Variants in AOPEP observed in about 807,000 individuals in gnomAD.
AOPEP encodes aminopeptidase O.
In AOPEP, 77 loss-of-function variants were observed where a neutral mutation model predicts 98.1. That is an observed-to-expected ratio of 0.78 (90% CI 0.65 to 0.95). The LOEUF is 0.95. Among genes scored for constraint, AOPEP ranks in the 40% least tolerant of loss-of-function variants. The pLI is 0.00. For missense variants in AOPEP, 1,024 were observed against 1,024.7 expected, an observed-to-expected ratio of 1.00 and a Z score of 0.01; for synonymous variants, 346 against 365.3, an observed-to-expected ratio of 0.95 and a Z score of 0.60.
intron 5 of AOPEP, among the ~76,000 whole-genome samples, chr9:94,916,307 C>T (rs1014948953): frequency 3.2e-4 from 48 of 152,196 alleles, no homozygotes; most frequent in Admixed American, 1.8e-3. Flanking sequence ...ATGAGGCTGC[C>T]GACATGTTTT....
intron 4 of AOPEP, among the ~76,000 whole-genome samples, chr9:94,798,686 T>A (rs1469086226): frequency 6.6e-6 from 1 of 152,216 alleles, no homozygotes; most frequent in Non-Finnish European, 1.5e-5. Flanking sequence ...TTTAACACGA[T>A]CTGAAAGCTT....
chr9:95,060,676 G>T lies in AOPEP; in HGVS notation c.2116-18G>T. ...CAACTGAATGGCATTTTCATAGGCT[G>T]TTTGGTTTTGTCTTTAGCTTCTTCC... On this transcript the variant is annotated intron_variant, in intron 13 of 16. Coordinates refer to ENST00000375315, the MANE Select transcript of AOPEP (RefSeq NM_001193329.3). 6.5e-7 allele frequency: 1 copy of T among 1,531,656 alleles called. No individual in the cohort carries two copies. The highest frequency in any genetic ancestry group is 1.4e-5 in the African/African-American group (1 of 73,366). 94.9% of individuals were successfully genotyped at this position (1,531,656 alleles called of 1,614,324 possible).
intron 5 of AOPEP, among the ~76,000 whole-genome samples, chr9:94,861,968 C>T (rs1037075260): frequency 2.0e-5 from 3 of 152,116 alleles, no homozygotes; most frequent in Admixed American, 1.3e-4. Context: ...AACTCAACAA[C>T]GGCTTTGTTT....
chr9:95,034,664 T>C (rs2064622950), intron 13 of AOPEP, among the ~76,000 whole-genome samples: 2 of 152,224 alleles, frequency 1.3e-5, no homozygotes, highest in African/African-American at 2.4e-5. Context: ...AAGGCATTTG[T>C]TTGGAAGATG....
chr9:95,032,524 G>A (rs866351751), intron 13 of AOPEP, among the ~76,000 whole-genome samples: 6 of 152,244 alleles, frequency 3.9e-5, no homozygotes, highest in African/African-American at 1.4e-4. Flanking sequence ...GTGAGCCAGC[G>A]AAAGGTGGCG....
At chr9:95,106,925 G>T in the AOPEP span, 1 of 824,724 alleles carries the variant, frequency 1.2e-6, no homozygotes. Context: ...CATCCCAGCT[G>T]TCAACCTCCT....
chr9:94,823,949 T>C (rs775450424), intron 5 of AOPEP, among the ~76,000 whole-genome samples: 5 of 152,106 alleles, frequency 3.3e-5, no homozygotes, highest in Non-Finnish European at 7.3e-5. Flanking sequence ...TACTATGCAG[T>C]CCCTGGCATG....
intron 1 of AOPEP, among the ~76,000 whole-genome samples, chr9:94,729,403 C>G (rs1829992950): frequency 6.6e-6 from 1 of 151,904 alleles, no homozygotes; most frequent in Non-Finnish European, 1.5e-5. Context: ...AATCCTGCCA[C>G]TACGAAAAAT....
chr9:95,133,961 C>T, the AOPEP span, among the ~76,000 whole-genome samples: 3 of 152,156 alleles, frequency 2.0e-5, no homozygotes, highest in South Asian at 2.1e-4. Context: ...TATGACTCTT[C>T]CGGATGGTAA....
At chr9:94,745,567 GC>G (rs1291688908) in intron 1 of AOPEP, among the ~76,000 whole-genome samples, 1 of 152,130 alleles carries the variant, frequency 6.6e-6, no homozygotes, top group Non-Finnish European at 1.5e-5. Context: ...GAGCCACCGT[GC>G]CCGGCAATTG....
At chr9:94,837,201 A>T (rs1436835246) in intron 5 of AOPEP, among the ~76,000 whole-genome samples, 7 of 152,196 alleles carry the variant, frequency 4.6e-5, no homozygotes, top group Admixed American at 4.6e-4. Context: ...CCTAGCTTCA[A>T]TCAGGAAGAA....
At chr9:95,081,697 G>C (rs2069804399) in intron 15 of AOPEP, among the ~76,000 whole-genome samples, 1 of 152,170 alleles carries the variant, frequency 6.6e-6, no homozygotes, top group Non-Finnish European at 1.5e-5. Context: ...CAACTTTATG[G>C]TCTGTTCTAA....
chr9:94,763,427 T>G (rs1046898461), intron 2 of AOPEP: 6 of 195,498 alleles, frequency 3.1e-5, no homozygotes, highest in Admixed American at 1.2e-4. Context: ...TAGCTTAATA[T>G]TGATATGGAT....
At chr9:94,901,012 A>T (rs926333833) in intron 5 of AOPEP, 1 of 152,198 alleles carries the variant, frequency 6.6e-6, no homozygotes, top group African/African-American at 2.4e-5. Context: ...TGGCCATTCC[A>T]ATATTCCTTC....
chr9:94,845,006 T>C (rs941983028), intron 5 of AOPEP, among the ~76,000 whole-genome samples: 2 of 152,252 alleles, frequency 1.3e-5, no homozygotes, highest in Non-Finnish European at 2.9e-5. Context: ...GAACACCTAC[T>C]ATGTGCAAGC....
At chr9:95,030,280 T>C (rs1587690326) in intron 13 of AOPEP, among the ~76,000 whole-genome samples, 1 of 152,336 alleles carries the variant, frequency 6.6e-6, no homozygotes, top group Non-Finnish European at 1.5e-5. Flanking sequence ...GCGTGTTATA[T>C]ATTTGTGACT....
At chr9:94,861,657 T>C (rs913786843) in intron 5 of AOPEP, among the ~76,000 whole-genome samples, 2 of 152,184 alleles carry the variant, frequency 1.3e-5, no homozygotes, top group Non-Finnish European at 2.9e-5. Context: ...AAAGAGTCAT[T>C]TGGTTTCATT....
chr9:95,041,444 GGGGTGTGTGTGT>G (rs1261092556), intron 13 of AOPEP, among the ~76,000 whole-genome samples: 2 of 144,410 alleles, frequency 1.4e-5, no homozygotes, highest in East Asian at 2.0e-4. Flanking sequence ...AGAGTCCTTG[GGGGTGTGTGTGT>G]GTGTGTGTGT....
chr9:94,749,085 A>G (rs553315909), intron 1 of AOPEP, among the ~76,000 whole-genome samples: 1 of 152,342 alleles, frequency 6.6e-6, no homozygotes, highest in African/African-American at 2.4e-5. Flanking sequence ...AGGAAGATGT[A>G]GTCTCTCCCT....
Sources: gnomAD v4.1 joint callset for allele counts (sites outside exome capture counted in the v4.1 genomes callset) on GRCh38, gnomAD v4.1.1 for gene constraint, MANE v1.5 for transcripts, NCBI Gene and HGNC (gene_info 2026-07-23, HGNC 2026-07-21) for gene names.